SH3RF3: variants seen among roughly 807,000 people sequenced by gnomAD.
SH3RF3 encodes E3 ubiquitin-protein ligase SH3RF3.
SH3RF3 carries 29 observed loss-of-function variants against 66.3 expected under a neutral mutation model. That is an observed-to-expected ratio of 0.44 (90% CI 0.33 to 0.60). The LOEUF is 0.60. Ranked by LOEUF, SH3RF3 falls within the 20% of genes least tolerant of loss-of-function variation. The pLI is 0.04. For synonymous variants in SH3RF3, 583 were observed against 532.0 expected, an observed-to-expected ratio of 1.10 and a Z score of -1.32; for missense variants, 1,194 against 1,190.9, an observed-to-expected ratio of 1.00 and a Z score of -0.04.
At chr2:109,460,577 C>T (rs1678184465) in intron 8 of SH3RF3, among the ~76,000 whole-genome samples, 1 of 152,222 alleles carries the variant, frequency 6.6e-6, no homozygotes, top group Admixed American at 6.5e-5. Context: ...CTGTGCTCCA[C>T]AGAATCCCAT....
At chr2:109,190,420 C>T (rs1323634256) in intron 1 of SH3RF3, among the ~76,000 whole-genome samples, 4 of 152,200 alleles carry the variant, frequency 2.6e-5, no homozygotes, top group Non-Finnish European at 4.4e-5. Flanking sequence ...GCGATCCACC[C>T]GCCTCGGCCA....
intron 3 of SH3RF3, among the ~76,000 whole-genome samples, chr2:109,396,578 A>C (rs1676152304): frequency 6.6e-6 from 1 of 152,092 alleles, no homozygotes. Flanking sequence ...TTGTTTTTTT[A>C]ACTCATCAAG....
intron 1 of SH3RF3, among the ~76,000 whole-genome samples, chr2:109,220,057 T>C (rs1457384767): frequency 1.3e-5 from 2 of 152,254 alleles, no homozygotes; most frequent in Non-Finnish European, 2.9e-5. Context: ...AAAACTATGT[T>C]ATTAGCATAA....
chr2:109,210,523 A>G (rs895111838), intron 1 of SH3RF3, among the ~76,000 whole-genome samples: 1 of 152,176 alleles, frequency 6.6e-6, no homozygotes, highest in African/African-American at 2.4e-5. Context: ...CCAACCAGAC[A>G]ATGAGATGGG....
intron 5 of SH3RF3, among the ~76,000 whole-genome samples, chr2:109,424,805 A>C (rs577114377): frequency 1.3e-5 from 2 of 152,254 alleles, no homozygotes; most frequent in Admixed American, 1.3e-4. Flanking sequence ...TCCCTTAGAC[A>C]CAACAATACT....
chr2:109,413,730 A>G (rs899814733), intron 4 of SH3RF3, among the ~76,000 whole-genome samples: 1 of 152,216 alleles, frequency 6.6e-6, no homozygotes, highest in Non-Finnish European at 1.5e-5. Flanking sequence ...CATGAGGGCC[A>G]TGCCTTGTAG....
chr2:109,130,731 C>G (rs1303780333), intron 1 of SH3RF3, among the ~76,000 whole-genome samples: 1 of 152,200 alleles, frequency 6.6e-6, no homozygotes, highest in Non-Finnish European at 1.5e-5. Flanking sequence ...CCTGGGCTCC[C>G]AGGCAGGGTT....
intron 8 of SH3RF3, among the ~76,000 whole-genome samples, chr2:109,479,965 T>TA (rs1458539504): frequency 3.3e-5 from 5 of 151,934 alleles, no homozygotes; most frequent in African/African-American, 1.2e-4. Flanking sequence ...AGCCCAGTGG[T>TA]ATGCAGGTGA....
chr2:109,160,720 T>A (rs1677469059), intron 1 of SH3RF3, among the ~76,000 whole-genome samples: 1 of 152,182 alleles, frequency 6.6e-6, no homozygotes, highest in South Asian at 2.1e-4. Flanking sequence ...AGCCTGTCCC[T>A]GCTCCTACTC....
chr2:109,260,458 G>T (rs559029549), intron 1 of SH3RF3, among the ~76,000 whole-genome samples: 45 of 152,316 alleles, frequency 3.0e-4, no homozygotes, highest in African/African-American at 1.0e-3. Context: ...GAAAGCATCT[G>T]CCTCCCAGTG....
chr2:109,475,552 T>C (rs565060988), intron 8 of SH3RF3, among the ~76,000 whole-genome samples: 3 of 152,326 alleles, frequency 2.0e-5, no homozygotes, highest in Admixed American at 1.3e-4. Flanking sequence ...CAGGGACATA[T>C]GCCACAGAGG....
At chr2:109,261,629 A>AG (rs1409333772) in intron 1 of SH3RF3, among the ~76,000 whole-genome samples, 1 of 152,198 alleles carries the variant, frequency 6.6e-6, no homozygotes, top group African/African-American at 2.4e-5. Context: ...TTCAGTGTTC[A>AG]TTGAGACTCT....
chr2:109,438,021 AGGCTTAAAG>A (rs954895629), intron 7 of SH3RF3, among the ~76,000 whole-genome samples: 3 of 152,226 alleles, frequency 2.0e-5, no homozygotes, highest in African/African-American at 7.2e-5. Flanking sequence ...TCTCAAAGTG[AGGCTTAAAG>A]GGCAAAAATA....
intron 1 of SH3RF3, among the ~76,000 whole-genome samples, chr2:109,325,801 T>C (rs1682140578): frequency 6.6e-6 from 1 of 152,222 alleles, no homozygotes; most frequent in African/African-American, 2.4e-5. Context: ...ACCCTCCTTA[T>C]TACTGCAGGG....
chr2:109,239,759 C>T (rs373376702), intron 1 of SH3RF3, among the ~76,000 whole-genome samples: 19 of 152,138 alleles, frequency 1.2e-4, no homozygotes, highest in Non-Finnish European at 2.5e-4. Flanking sequence ...AAGGAGCTGG[C>T]GGCACTGCTG....
intron 4 of SH3RF3, among the ~76,000 whole-genome samples, chr2:109,410,942 C>T (rs1412244861): frequency 6.6e-6 from 1 of 152,184 alleles, no homozygotes; most frequent in African/African-American, 2.4e-5. Flanking sequence ...GGAGCTCTTT[C>T]TCTTTTCTTG....
At chr2:109,266,405 G>A (rs1415678648) in intron 1 of SH3RF3, among the ~76,000 whole-genome samples, 6 of 152,076 alleles carry the variant, frequency 3.9e-5, no homozygotes, top group African/African-American at 9.7e-5. Context: ...AGTGTCCTCC[G>A]ATACAACAAG....
intron 5 of SH3RF3, among the ~76,000 whole-genome samples, chr2:109,424,629 G>A (rs1218432205): frequency 6.6e-6 from 1 of 152,196 alleles, no homozygotes; most frequent in Non-Finnish European, 1.5e-5. Flanking sequence ...TCTTTATGGT[G>A]ATGTGATCAG....
At chr2:109,465,478 C>G (rs1247801132) in intron 8 of SH3RF3, among the ~76,000 whole-genome samples, 1 of 152,186 alleles carries the variant, frequency 6.6e-6, no homozygotes, top group African/African-American at 2.4e-5. Flanking sequence ...GCTTCATATC[C>G]TCACCAGCAT....
Sources: gnomAD v4.1 joint callset for allele counts (sites outside exome capture counted in the v4.1 genomes callset) on GRCh38, gnomAD v4.1.1 for gene constraint, MANE v1.5 for transcripts, NCBI Gene and HGNC (gene_info 2026-07-23, HGNC 2026-07-21) for gene names.